DIP2C: variants seen among roughly 807,000 people sequenced by gnomAD.
The protein encoded by DIP2C is disco-interacting protein 2 homolog C.
A neutral mutation model predicts 192.4 loss-of-function variants in DIP2C; 33 were observed. The observed-to-expected ratio is 0.17, with a 90% confidence interval of 0.13 to 0.23. The LOEUF (loss-of-function observed/expected upper bound fraction) is 0.23, where lower values mean the gene tolerates loss of function less well. Ranked by LOEUF, DIP2C falls within the 10% of genes least tolerant of loss-of-function variation. The probability of loss-of-function intolerance (pLI) is 1.00; values close to 1 mark genes in which losing one functional copy is unlikely to be tolerated. For synonymous variants in DIP2C, 979 were observed against 864.1 expected (o/e 1.13, Z -2.33); for missense variants, 1,537 against 2,110.1 (o/e 0.73, Z 5.32).
At chr10:316,189 T>C (rs1956765963) in intron 31 of DIP2C, among the ~76,000 whole-genome samples, 1 of 152,234 alleles carries the variant, frequency 6.6e-6, no homozygotes, top group African/African-American at 2.4e-5. Flanking sequence ...AGTCCATTTC[T>C]CTTGCTTCTT....
In DIP2C at chr10:327,218, C is replaced by T. The variant is rs41288737; in HGVS notation, c.3754-42G>A. 2.8e-3 allele frequency: 4,493 copies of T among 1,592,344 alleles called. 12 individuals carry two copies. Among genetic ancestry groups the T allele is most frequent in the Middle Eastern group, 0.015 (88 of 5,924 alleles). Reference sequence around the variant, plus strand: ...AGAAACCGAGTCAGCCCCCACGTGTCGAGCTTGGAGTGAGCCAGAGACTCC... The same window carrying T: ...AGAAACCGAGTCAGCCCCCACGTGTTGAGCTTGGAGTGAGCCAGAGACTCC... On this transcript the variant is annotated intron_variant, in intron 30 of 36. Transcript: ENST00000280886.
chr10:323,919 T>G (rs1460456036), intron 31 of DIP2C, among the ~76,000 whole-genome samples: 6 of 152,196 alleles, frequency 3.9e-5, no homozygotes, highest in Non-Finnish European at 2.9e-5. Context: ...ACTCTGCTTG[T>G]TTCTATCACC....
At chr10:678,762 A>ACCCG (rs1830978235) in intron 1 of DIP2C, among the ~76,000 whole-genome samples, 1 of 26,902 alleles carries the variant, frequency 3.7e-5, no homozygotes, top group Non-Finnish European at 6.8e-5. Flanking sequence ...CCCCATGTCC[A>ACCCG]TGCTCCCCGC....
At chr10:537,387 C>T (rs1215689751) in intron 1 of DIP2C, among the ~76,000 whole-genome samples, 3 of 152,204 alleles carry the variant, frequency 2.0e-5, no homozygotes, top group African/African-American at 7.2e-5. Context: ...AAATACCCAT[C>T]GTTAACTAAT....
rs1260206387 is a variant in DIP2C, at chr10:419,144, C to T, written c.660G>A (p.Gln220=). 2 of 1,614,280 alleles carry T rather than the reference C, an allele frequency of 1.2e-6. No homozygotes were observed. Among genetic ancestry groups the T allele is most frequent in the Admixed American group, 3.3e-5 (2 of 60,034 alleles). The change falls in exon 6 of 37, where the codon CAG becomes CAA. Residue 220 remains glutamine, a synonymous_variant. Coordinates refer to ENST00000280886, the MANE Select transcript of DIP2C (RefSeq NM_014974.3). ...VTTYTSEHSI[Q]VERPQGSTGS... is the part of the protein sequence containing the mutation. ...CCGTGGAACCCTGCGGTCTCTCCAC[C>T]TGTATCGAGTGCTCTGAGGTGTACG...
intron 34 of DIP2C, 34 bp from the exon 35 acceptor site, chr10:283,480 A>G (rs746334386): frequency 5.0e-5 from 80 of 1,609,806 alleles, no homozygotes; most frequent in African/African-American, 1.3e-5. Flanking sequence ...TGTGGATGAC[A>G]TTATTTTATC....
In DIP2C at chr10:473,240, T is replaced by C. The variant is rs185458337; in HGVS notation, c.158-691A>G. Among the ~76,000 whole-genome samples the C allele has an allele frequency of 2.9e-4, 44 of 152,298 alleles. 1 individual carries two copies. Among genetic ancestry groups the C allele is most frequent in the Admixed American group, 2.9e-3 (44 of 15,296 alleles). On this transcript the variant is annotated intron_variant, in intron 2 of 36. Transcript: ENST00000280886. ...TCACATATTGATTACATTCAGGCAATAACAGGGTGGCAAGGAACACAACTA... is the reference window on the plus strand; with the variant it reads ...TCACATATTGATTACATTCAGGCAACAACAGGGTGGCAAGGAACACAACTA...
intron 1 of DIP2C, among the ~76,000 whole-genome samples, chr10:598,125 C>T (rs1002904946): frequency 1.3e-5 from 2 of 152,330 alleles, no homozygotes; most frequent in East Asian, 1.9e-4. Context: ...CGGCCTCCCA[C>T]GAGGAAAGTG....
intron 18 of DIP2C, among the ~76,000 whole-genome samples, chr10:366,683 T>A (rs1302954938): frequency 6.6e-6 from 1 of 152,146 alleles, no homozygotes; most frequent in African/African-American, 2.4e-5. Flanking sequence ...GGGCGTGACA[T>A]CATCTGCCAT....
At chr10:675,693 C>T (rs566865020) in intron 1 of DIP2C, among the ~76,000 whole-genome samples, 68 of 152,224 alleles carry the variant, frequency 4.5e-4, no homozygotes, top group African/African-American at 1.5e-3. Context: ...GATTCCTGGA[C>T]GTGTACAACC....
At chr10:515,428 G>A (rs150404667) in intron 1 of DIP2C, among the ~76,000 whole-genome samples, 1 of 152,280 alleles carries the variant, frequency 6.6e-6, no homozygotes, top group East Asian at 1.9e-4. Flanking sequence ...AGATTTAAAA[G>A]ATGTCAGGAT....
At chr10:590,502 G>A (rs142396869) in intron 1 of DIP2C, among the ~76,000 whole-genome samples, 45 of 152,292 alleles carry the variant, frequency 3.0e-4, no homozygotes, top group African/African-American at 8.9e-4. Context: ...ACGGCATATC[G>A]ACATGTTCCT....
chr10:578,078 T>TA (rs1324003765), intron 1 of DIP2C, among the ~76,000 whole-genome samples: 2 of 152,226 alleles, frequency 1.3e-5, no homozygotes, highest in African/African-American at 4.8e-5. Flanking sequence ...ATTCCACATT[T>TA]GGAAATGTTT....
At chr10:327,768 C>T (rs1407768127) in intron 30 of DIP2C, among the ~76,000 whole-genome samples, 1 of 152,188 alleles carries the variant, frequency 6.6e-6, no homozygotes, top group Non-Finnish European at 1.5e-5. Flanking sequence ...GACAGTGCTC[C>T]ATTTATGTCC....
chr10:457,597 C>G (rs758868411), intron 3 of DIP2C, among the ~76,000 whole-genome samples: 2 of 152,128 alleles, frequency 1.3e-5, no homozygotes, highest in African/African-American at 2.4e-5. Context: ...ACTCTGTCAC[C>G]CAGAGTGGGG....
intron 23 of DIP2C, among the ~76,000 whole-genome samples, chr10:357,569 T>G (rs1003764185): frequency 6.6e-6 from 1 of 152,190 alleles, no homozygotes; most frequent in Non-Finnish European, 1.5e-5. Flanking sequence ...ATTTTTCTTA[T>G]GAAATTATAT....
At chr10:663,831 G>A (rs958514963) in intron 1 of DIP2C, 2 of 152,256 alleles carry the variant, frequency 1.3e-5, no homozygotes, top group African/African-American at 4.8e-5. Context: ...CTACTGGGAG[G>A]AGGGATGCTG....
chr10:585,384 C>G (rs2131610482), intron 1 of DIP2C, among the ~76,000 whole-genome samples: 1 of 152,360 alleles, frequency 6.6e-6, no homozygotes, highest in Admixed American at 6.5e-5. Flanking sequence ...CAAACACACA[C>G]AGCCCTGAGT....
intron 3 of DIP2C, among the ~76,000 whole-genome samples, chr10:453,249 C>A (rs1388630918): frequency 6.6e-6 from 1 of 152,162 alleles, no homozygotes; most frequent in East Asian, 1.9e-4. Context: ...GCCCTGAATA[C>A]AGTTTTACCC....
Sources: gnomAD v4.1 joint callset for allele counts (sites outside exome capture counted in the v4.1 genomes callset) on GRCh38, gnomAD v4.1.1 for gene constraint, MANE v1.5 for transcripts, NCBI Gene and HGNC (gene_info 2026-07-23, HGNC 2026-07-21) for gene names.